The following UGT1A7 variants were observed in gnomAD, a reference collection of about 807,000 sequenced individuals.
UGT1A7 encodes UDP-glucuronosyltransferase 1A7.
In UGT1A7, 33 loss-of-function variants were observed where a neutral mutation model predicts 45.6. That is an observed-to-expected ratio of 0.72 (90% CI 0.55 to 0.97). UGT1A7 has a LOEUF of 0.97. UGT1A7 is among the 50% of genes least tolerant of loss of function. The pLI is 0.00. For missense variants in UGT1A7, 684 were observed against 666.2 expected (o/e 1.03, Z -0.29); for synonymous variants, 274 against 250.6 (o/e 1.09, Z -0.88).
chr2:233,701,069 A>G (rs1052712188), intron 1 of UGT1A7, among the ~76,000 whole-genome samples: 4 of 152,144 alleles, frequency 2.6e-5, no homozygotes, highest in African/African-American at 9.7e-5. Flanking sequence ...TTATGGCTGC[A>G]TAGTATTCCA....
Position 233,767,238 on chromosome 2 carries a change from AT to A in UGT1A7, c.987+75del. ...CTAATCCCAGACTTCCAGCTTCCAG[AT>A]TAATTCTCTTAATTGGAACCTTAGA... On this transcript the variant is annotated intron_variant, in intron 2 of 4. Transcript: ENST00000373426. The A allele has an allele frequency of 9.3e-6, 15 of 1,607,788 alleles. No individual in the cohort carries two copies. In the South Asian group the frequency reaches 1.6e-4, roughly 17 times the overall value.
intron 1 of UGT1A7, among the ~76,000 whole-genome samples, chr2:233,727,543 C>T (rs1033335466): frequency 1.3e-5 from 2 of 152,154 alleles, no homozygotes; most frequent in Admixed American, 6.5e-5. Context: ...GTGTTCCACC[C>T]GTCACCTGGG....
At chr2:233,692,660 C>T (rs1455242812) in intron 1 of UGT1A7, among the ~76,000 whole-genome samples, 4 of 152,146 alleles carry the variant, frequency 2.6e-5, no homozygotes, top group East Asian at 1.9e-4. Context: ...CCAGCAAGTT[C>T]GGGATAGAGA....
intron 1 of UGT1A7, among the ~76,000 whole-genome samples, chr2:233,695,902 GT>G (rs144527865): frequency 5.9e-5 from 9 of 151,998 alleles, no homozygotes; most frequent in African/African-American, 1.2e-4. Flanking sequence ...AATGTGTGGG[GT>G]TTTTTTTCTC....
intron 1 of UGT1A7, chr2:233,717,747 C>G (rs1435136847): frequency 4.4e-6 from 2 of 456,422 alleles, no homozygotes; most frequent in Non-Finnish European, 8.8e-6. Flanking sequence ...CTCAGGGTCT[C>G]CCCCTAGAAA....
chr2:233,686,513 T>G (rs1175903416), intron 1 of UGT1A7, among the ~76,000 whole-genome samples: 1 of 152,132 alleles, frequency 6.6e-6, no homozygotes, highest in Non-Finnish European at 1.5e-5. Context: ...AGGTGGAGCC[T>G]CCACCTGCGT....
At chr2:233,712,948 C>T in intron 1 of UGT1A7, 3 of 1,612,658 alleles carry the variant, frequency 1.9e-6, no homozygotes, top group Non-Finnish European at 2.5e-6. Context: ...TTCTAGGAGG[C>T]ACAACGTGGG....
intron 1 of UGT1A7, among the ~76,000 whole-genome samples, chr2:233,749,511 A>G (rs944951323): frequency 2.0e-5 from 3 of 151,918 alleles, no homozygotes; most frequent in East Asian, 3.8e-4. Flanking sequence ...ATTAGAGAAC[A>G]CTAGCAAGGC....
intron 1 of UGT1A7, chr2:233,738,880 T>G (rs1690926968): frequency 6.6e-6 from 1 of 152,168 alleles, no homozygotes; most frequent in Admixed American, 6.5e-5. Context: ...CCAGGGCATG[T>G]CAGAGACCTT....
chr2:233,752,292 T>A (rs1364554395), intron 1 of UGT1A7: 1 of 152,220 alleles, frequency 6.6e-6, no homozygotes, highest in Non-Finnish European at 1.5e-5. Flanking sequence ...CACAGGGTCA[T>A]GCCTTTCCTT....
Position 233,682,081 on chromosome 2 carries a change from C to T in UGT1A7, c.144C>T (p.Leu48=), listed in dbSNP as rs140853286. 6 of 1,614,112 alleles carry T rather than the reference C, an allele frequency of 3.7e-6. No individual in the cohort carries two copies. The highest frequency in any genetic ancestry group is 4.2e-6 in the Non-Finnish European group (5 of 1,180,002). Residue 48 remains leucine, a synonymous_variant, in exon 1 of 5, where the codon CTC becomes CTT. Coordinates refer to ENST00000373426, the MANE Select transcript of UGT1A7 (RefSeq NM_019077.3). ...CCATGCAGTCGGTGGTGGAGAAACTCATCCTCAGGGGGCATGAGGTGGTCG... is the reference window on the plus strand; with the variant it reads ...CCATGCAGTCGGTGGTGGAGAAACTTATCCTCAGGGGGCATGAGGTGGTCG... ...WFTMQSVVEK[L]ILRGHEVVVV... is the part of the protein sequence containing the mutation.
At chr2:233,760,396 G>A (rs1697431780) in intron 1 of UGT1A7, 1 of 1,614,010 alleles carries the variant, frequency 6.2e-7, no homozygotes, top group African/African-American at 1.3e-5. Flanking sequence ...CCCAGTGGAT[G>A]GCAGCCACTG....
intron 1 of UGT1A7, among the ~76,000 whole-genome samples, chr2:233,757,149 G>T (rs1696420476): frequency 6.6e-6 from 1 of 151,394 alleles, no homozygotes; most frequent in South Asian, 2.1e-4. Flanking sequence ...CAGGTGGGCT[G>T]GGGTCTATCC....
chr2:233,719,117 G>A (rs761490999), intron 1 of UGT1A7: 5 of 1,614,258 alleles, frequency 3.1e-6, no homozygotes, highest in Admixed American at 3.3e-5. Context: ...ACACTCAAGG[G>A]TTCTTTGAAA....
At chr2:233,709,290 A>G (rs1187153561) in intron 1 of UGT1A7, among the ~76,000 whole-genome samples, 1 of 152,124 alleles carries the variant, frequency 6.6e-6, no homozygotes, top group African/African-American at 2.4e-5. Flanking sequence ...CCTTCAATTA[A>G]TGATATTTTC....
chr2:233,682,738 C>T lies in UGT1A7; in HGVS notation c.801C>T (p.Pro267=). 6.2e-7 allele frequency: 1 copy of T among 1,613,880 alleles called. No homozygotes were observed. The highest frequency in any genetic ancestry group is 8.5e-7 in the Non-Finnish European group (1 of 1,179,830). ...TGGAGTATCCCAAACCCGTGATGCC[C>T]AATATGATCTTCATTGGTGGTATCA... The part of the protein sequence containing the change: ...FVLEYPKPVM[P]NMIFIGGINC... The change falls in exon 1 of 5, where the codon CCC becomes CCT. Residue 267 remains proline, a synonymous_variant. Transcript: ENST00000373426.
rs141853649 is a variant in UGT1A7 at position 233,739,471 on chromosome 2, G to A, written c.856-27563G>A. ...CACAGGGTTGGAGCTGCCTGAGACCGTGGGAGCCCATTTCTGGCATCACCT... is the reference window on the plus strand; with the variant it reads ...CACAGGGTTGGAGCTGCCTGAGACCATGGGAGCCCATTTCTGGCATCACCT... On this transcript the variant is annotated intron_variant, in intron 1 of 4. Transcript: ENST00000373426. Among the ~76,000 whole-genome samples the A allele has an allele frequency of 2.4e-3, 366 of 152,340 alleles. 1 individual carries two copies. Among genetic ancestry groups the A allele is most frequent in the African/African-American group, 7.9e-3 (330 of 41,576 alleles).
At position 233,689,057 on chromosome 2, in the gene UGT1A7, A is replaced by T. The variant is rs192773385; in HGVS notation, c.855+6265A>T. ...TCCTACTTTATGTCTCTTCTGTATA[A>T]TCCCTTTGTCATGGCTTAACTTAGT... is the stretch of plus-strand genomic sequence containing the variant. On this transcript the variant is annotated intron_variant, in intron 1 of 4. Transcript: ENST00000373426. Among the ~76,000 whole-genome samples, 3 of 152,266 alleles carry T rather than the reference A, an allele frequency of 2.0e-5. No individual in the cohort carries two copies. In the East Asian group the frequency reaches 5.8e-4, roughly 29 times the overall value.
intron 1 of UGT1A7, chr2:233,747,713 T>A (rs1051640547): frequency 6.2e-7 from 1 of 1,613,024 alleles, no homozygotes; most frequent in African/African-American, 1.3e-5. Context: ...ACCTATCAAT[T>A]CCTGCTGTGT....
Sources: gnomAD v4.1 joint callset for allele counts (sites outside exome capture counted in the v4.1 genomes callset) on GRCh38, gnomAD v4.1.1 for gene constraint, MANE v1.5 for transcripts, NCBI Gene and HGNC (gene_info 2026-07-23, HGNC 2026-07-21) for gene names.